The following GLI2 variants were observed in gnomAD, a reference collection of about 807,000 sequenced individuals.
The protein encoded by GLI2 is GLI family zinc finger 2.
GLI2 carries 22 observed loss-of-function variants against 78.9 expected under a neutral mutation model. That is an observed-to-expected ratio of 0.28 (90% CI 0.20 to 0.40). The LOEUF (loss-of-function observed/expected upper bound fraction) is 0.40, where lower values mean the gene tolerates loss of function less well. GLI2 is among the 10% of genes least tolerant of loss of function. GLI2 has a pLI of 1.00. For missense variants in GLI2, 2,097 were observed against 2,213.2 expected, an observed-to-expected ratio of 0.95 and a Z score of 1.05; for synonymous variants, 974 against 963.7, an observed-to-expected ratio of 1.01 and a Z score of -0.20.
chr2:120,754,912 G>T (rs1682995485), intron 1 of GLI2, among the ~76,000 whole-genome samples: 1 of 151,566 alleles, frequency 6.6e-6, no homozygotes, highest in African/African-American at 2.4e-5. Context: ...GAGTGCAATG[G>T]CGCAATCTTG....
intron 3 of GLI2, among the ~76,000 whole-genome samples, chr2:120,937,532 C>G (rs532069516): frequency 2.6e-5 from 4 of 152,272 alleles, no homozygotes; most frequent in African/African-American, 7.2e-5. Flanking sequence ...AATACAGGAA[C>G]AGAAAGCGCT....
chr2:120,793,310 T>G (rs528863325), intron 1 of GLI2, among the ~76,000 whole-genome samples: 1 of 152,342 alleles, frequency 6.6e-6, no homozygotes, highest in East Asian at 1.9e-4. Flanking sequence ...AAGTGAGGAA[T>G]TGACTCTTCT....
At chr2:120,870,814 C>T (rs1688389461) in intron 2 of GLI2, among the ~76,000 whole-genome samples, 1 of 152,206 alleles carries the variant, frequency 6.6e-6, no homozygotes, top group Non-Finnish European at 1.5e-5. Context: ...ATATGAGAGA[C>T]TCTTCCTGCA....
chr2:120,971,092 T>C (rs973648879), intron 7 of GLI2, among the ~76,000 whole-genome samples: 2 of 152,210 alleles, frequency 1.3e-5, no homozygotes, highest in African/African-American at 4.8e-5. Flanking sequence ...TCTTTTACAA[T>C]AAGGACATGG....
At chr2:120,856,029 C>T (rs1167016274) in intron 2 of GLI2, among the ~76,000 whole-genome samples, 1 of 152,166 alleles carries the variant, frequency 6.6e-6, no homozygotes, top group Non-Finnish European at 1.5e-5. Flanking sequence ...AAAGCAAGGT[C>T]ACTGTGCTTG....
At position 120,862,041 on chromosome 2, in the gene GLI2, G is replaced by A. The variant is rs75808050; in HGVS notation, c.148+64573G>A. 3.7e-3 allele frequency among the ~76,000 whole-genome samples: 566 copies of A among 152,336 alleles called. 3 individuals carry two copies. Among genetic ancestry groups the A allele is most frequent in the African/African-American group, 0.013 (526 of 41,582 alleles). ...GTGCAGGCACCACAGAAGGGGTGACGTGGCCCGTGTGTGAGTCTTTTCTTC... is the reference window on the plus strand; with the variant it reads ...GTGCAGGCACCACAGAAGGGGTGACATGGCCCGTGTGTGAGTCTTTTCTTC... On this transcript the variant is annotated intron_variant, in intron 2 of 13. Transcript: ENST00000361492.
chr2:120,969,887 C>A (rs1247941734), intron 6 of GLI2, among the ~76,000 whole-genome samples: 1 of 152,172 alleles, frequency 6.6e-6, no homozygotes, highest in African/African-American at 2.4e-5. Context: ...ACAGGGGTCA[C>A]CAATCTTTCC....
rs191218018 is a variant in GLI2 at position 120,914,619 on chromosome 2, G to A, written c.149-12742G>A. ...GCCCCTCCCATTCCTTGTGATGGCGGGGATCTCCCAGGTGTCCCTCTGGAG... is the reference window on the plus strand; with the variant it reads ...GCCCCTCCCATTCCTTGTGATGGCGAGGATCTCCCAGGTGTCCCTCTGGAG... On this transcript the variant is annotated intron_variant, in intron 2 of 13. Transcript: ENST00000361492. Among the ~76,000 whole-genome samples the A allele has an allele frequency of 5.3e-3, 805 of 152,232 alleles. 17 individuals carry two copies. The highest frequency in any genetic ancestry group is 0.043 in the Admixed American group (664 of 15,296).
chr2:120,823,802 G>A (rs1021221038), intron 2 of GLI2, among the ~76,000 whole-genome samples: 5 of 152,172 alleles, frequency 3.3e-5, no homozygotes, highest in African/African-American at 1.2e-4. Context: ...GAAGCCGTGT[G>A]GGATTCCGAT....
At chr2:120,933,236 C>A (rs1680028053) in intron 3 of GLI2, among the ~76,000 whole-genome samples, 1 of 152,182 alleles carries the variant, frequency 6.6e-6, no homozygotes. Context: ...CCCAAGCCCA[C>A]TCCTCTGCAG....
chr2:120,785,083 C>T (rs528588304), intron 1 of GLI2, among the ~76,000 whole-genome samples: 19 of 152,288 alleles, frequency 1.2e-4, no homozygotes, highest in Admixed American at 2.6e-4. Context: ...CTTGAGCCGG[C>T]GCATGTCCAG....
rs528326297 is a variant in GLI2, at chr2:120,905,639, G to T, written c.149-21722G>T. 9.8e-5 allele frequency among the ~76,000 whole-genome samples: 15 copies of T among 152,308 alleles called. No individual in the cohort carries two copies. In the South Asian group the frequency reaches 2.5e-3, roughly 25 times the overall value. ...ACCAGGCTGACCTGGGCAGGCCTCT[G>T]CCCACTGTCCAGTGGCTCCTCAGGG... On this transcript the variant is annotated intron_variant, in intron 2 of 13. Coordinates refer to ENST00000361492, the MANE Select transcript of GLI2 (RefSeq NM_001374353.1).
At chr2:120,951,694 C>T in intron 4 of GLI2, 1 of 477,756 alleles carries the variant, frequency 2.1e-6, no homozygotes, top group Non-Finnish European at 3.7e-6. Context: ...CAGTAAGGGT[C>T]TATCCAGGTA....
At chr2:120,739,776 G>C (rs553372697) in intron 1 of GLI2, among the ~76,000 whole-genome samples, 2 of 152,336 alleles carry the variant, frequency 1.3e-5, no homozygotes, top group East Asian at 3.9e-4. Flanking sequence ...ATGCCAAAGA[G>C]AGAAACAGTG....
Position 120,891,543 on chromosome 2 carries a change from G to A in GLI2, c.149-35818G>A, listed in dbSNP as rs148221115. Among the ~76,000 whole-genome samples the A allele has an allele frequency of 6.6e-5, 10 of 152,248 alleles. No individual in the cohort carries two copies. The South Asian group carries it at 1.0e-3, about 16-fold the overall frequency. ...AATTAAATCACACAAATAGATGAAC[G>A]GGCGTACAGAATGTGATTGAAGCCT... On this transcript the variant is annotated intron_variant, in intron 2 of 13. Transcript: ENST00000361492.
At chr2:120,805,257 T>A (rs1684893399) in intron 2 of GLI2, among the ~76,000 whole-genome samples, 2 of 152,242 alleles carry the variant, frequency 1.3e-5, no homozygotes, top group Non-Finnish European at 1.5e-5. Flanking sequence ...GAGGCTCTCC[T>A]GGCCCCTGCC....
chr2:120,912,290 T>G (rs936534442), intron 2 of GLI2, among the ~76,000 whole-genome samples: 7 of 151,906 alleles, frequency 4.6e-5, no homozygotes, highest in South Asian at 2.1e-4. Context: ...TTTTTTTTTT[T>G]TGATGTCAGG....
intron 5 of GLI2, among the ~76,000 whole-genome samples, chr2:120,967,049 G>A (rs775610670): frequency 1.4e-4 from 21 of 152,222 alleles, no homozygotes; most frequent in Non-Finnish European, 2.6e-4. Context: ...GTCTGAGCAG[G>A]CAGAAGGGAG....
At chr2:120,885,161 G>T (rs1677336564) in intron 2 of GLI2, among the ~76,000 whole-genome samples, 1 of 152,198 alleles carries the variant, frequency 6.6e-6, no homozygotes, top group Non-Finnish European at 1.5e-5. Context: ...CCAGGGAAGA[G>T]ATCTCCCTTC....
Sources: allele counts gnomAD v4.1 joint callset (sites outside exome capture counted in the v4.1 genomes callset), GRCh38; gene constraint gnomAD v4.1.1; transcripts MANE v1.5; gene names NCBI Gene and HGNC (gene_info 2026-07-23, HGNC 2026-07-21).